Variants in PSD3 observed in about 807,000 individuals in gnomAD.
The protein encoded by PSD3 is PH and SEC7 domain-containing protein 3.
PSD3 carries 49 observed loss-of-function variants against 105.5 expected under a neutral mutation model. That is an observed-to-expected ratio of 0.46 (90% CI 0.37 to 0.59). PSD3 has a LOEUF of 0.59. Ranked by LOEUF, PSD3 falls within the 20% of genes least tolerant of loss-of-function variation. The pLI is 0.00. For missense variants in PSD3, 1,561 were observed against 1,263.8 expected, an observed-to-expected ratio of 1.24 and a Z score of -3.57; for synonymous variants, 557 against 457.8, an observed-to-expected ratio of 1.22 and a Z score of -2.77.
rs550202407 is a variant in PSD3 at position 18,970,978 on chromosome 8, C to T, written c.22-34836G>A. Among the ~76,000 whole-genome samples the T allele has an allele frequency of 3.6e-4, 42 of 115,674 alleles. No individual in the cohort carries two copies. In the South Asian group the frequency reaches 8.9e-3, roughly 24 times the overall value. 75.9% of individuals were successfully genotyped at this position (115,674 alleles called of 152,430 possible). On this transcript the variant is annotated intron_variant, in intron 1 of 15. Coordinates refer to ENST00000327040, the MANE Select transcript of PSD3 (RefSeq NM_015310.4). ...TAAGTAAAAGAGCGAGACTCTGTCT[C>T]AAGAAAAAAAAAAAAAGACAAAAAA...
Position 18,872,332 on chromosome 8 carries a change from G to C in PSD3, c.532C>G (p.Arg178Gly). ...QVEKELDTAS[R>G]KTQRVNKTLP... ...GTTTTGTTGACTCTCTGTGTTTTAC[G>C]ACTGGCAGTGTCCAGCTCTTTTTCC... is the stretch of plus-strand genomic sequence containing the variant. The change falls in exon 3 of 16, where the codon CGT becomes GGT. Residue 178 changes from arginine (R) to glycine (G), a missense_variant. Coordinates refer to ENST00000327040, the MANE Select transcript of PSD3 (RefSeq NM_015310.4). 6.2e-7 allele frequency: 1 copy of C among 1,614,124 alleles called. No homozygotes were observed. The highest frequency in any genetic ancestry group is 8.5e-7 in the Non-Finnish European group (1 of 1,180,020).
At chr8:18,830,027 G>A (rs1813552938) in intron 4 of PSD3, among the ~76,000 whole-genome samples, 1 of 152,208 alleles carries the variant, frequency 6.6e-6, no homozygotes, top group East Asian at 1.9e-4. Context: ...GAGCGCAGCG[G>A]TACAATCTCA....
At chr8:18,959,055 G>T (rs1823750930) in intron 1 of PSD3, among the ~76,000 whole-genome samples, 1 of 151,906 alleles carries the variant, frequency 6.6e-6, no homozygotes, top group African/African-American at 2.4e-5. Flanking sequence ...CAAGTATCTG[G>T]GACTACAGGC....
intron 12 of PSD3, among the ~76,000 whole-genome samples, chr8:18,581,961 G>A (rs921882426): frequency 6.6e-6 from 1 of 152,156 alleles, no homozygotes; most frequent in Admixed American, 6.5e-5. Context: ...CAGATTGTGT[G>A]TAACTCAGAG....
At chr8:18,950,826 C>G (rs968218395) in intron 1 of PSD3, among the ~76,000 whole-genome samples, 1 of 152,096 alleles carries the variant, frequency 6.6e-6, no homozygotes, top group Admixed American at 6.5e-5. Flanking sequence ...AAGAGTTTAT[C>G]GGCCTCACCC....
chr8:18,735,635 G>A (rs1585775036), intron 9 of PSD3, among the ~76,000 whole-genome samples: 1 of 152,248 alleles, frequency 6.6e-6, no homozygotes, highest in East Asian at 1.9e-4. Context: ...AACCTCAAGT[G>A]GGTAAGCCTT....
rs562805315 is a variant in PSD3 at position 18,535,826 on chromosome 8, T to G, written c.3061A>C (p.Ile1021Leu). 2 of 1,614,142 alleles carry G rather than the reference T, an allele frequency of 1.2e-6. No homozygotes were observed. Among genetic ancestry groups the G allele is most frequent in the Non-Finnish European group, 1.7e-6 (2 of 1,179,998 alleles). The change falls in exon 16 of 16, where the codon ATC becomes CTC. Residue 1021 changes from isoleucine to leucine, a missense_variant. Physicochemically the swap from Ile to Leu is conservative, Grantham distance 5. Coordinates refer to ENST00000327040, the MANE Select transcript of PSD3 (RefSeq NM_015310.4). ...ACGTTACGCTTGACTTTGGCAGTGA[T>G]TGGAGAAGTATCCGGGTTCAGCGAA... is the stretch of plus-strand genomic sequence containing the variant. ...SPSLNPDTSP[I>L]TAKVKRNVSE...
chr8:18,686,357 G>A (rs182364543), intron 9 of PSD3, among the ~76,000 whole-genome samples: 1 of 152,218 alleles, frequency 6.6e-6, no homozygotes, highest in East Asian at 1.9e-4. Context: ...ATTCTCGCAT[G>A]AAGTATACCA....
At chr8:18,985,364 G>A (rs189722878) in intron 1 of PSD3, among the ~76,000 whole-genome samples, 46 of 152,270 alleles carry the variant, frequency 3.0e-4, no homozygotes, top group Admixed American at 3.3e-4. Context: ...ACAGAGGTCT[G>A]CATATAGAAT....
In PSD3 at chr8:18,780,627, C is replaced by G. The variant is rs566039285; in HGVS notation, c.2083-15089G>C. Among the ~76,000 whole-genome samples, 256 of 152,228 alleles carry G rather than the reference C, an allele frequency of 1.7e-3. 1 individual carries two copies. Among genetic ancestry groups the G allele is most frequent in the Non-Finnish European group, 3.0e-3 (205 of 68,024 alleles). Reference sequence around the variant, plus strand: ...AGTGTGCAGTGGTGCGACCTTGGCTCACTGTAAGCTCTGCGTCTTGGGTTC... The same window carrying G: ...AGTGTGCAGTGGTGCGACCTTGGCTGACTGTAAGCTCTGCGTCTTGGGTTC... On this transcript the variant is annotated intron_variant, in intron 8 of 15. Transcript: ENST00000327040.
chr8:18,906,724 A>G (rs957113627), intron 2 of PSD3, among the ~76,000 whole-genome samples: 1 of 152,244 alleles, frequency 6.6e-6, no homozygotes, highest in Non-Finnish European at 1.5e-5. Flanking sequence ...TCAGATTTAG[A>G]AATAAAAACA....
intron 4 of PSD3, among the ~76,000 whole-genome samples, chr8:18,830,236 C>A (rs1336413679): frequency 6.6e-6 from 1 of 152,322 alleles, no homozygotes; most frequent in East Asian, 1.9e-4. Context: ...GCCACCGCAC[C>A]CAGCCAGTAA....
intron 8 of PSD3, among the ~76,000 whole-genome samples, chr8:18,788,207 T>A (rs549299123): frequency 6.6e-6 from 1 of 152,324 alleles, no homozygotes; most frequent in South Asian, 2.1e-4. Flanking sequence ...ATGTATTCTA[T>A]TCTCCAAATG....
intron 1 of PSD3, among the ~76,000 whole-genome samples, chr8:19,002,267 G>A (rs1826441624): frequency 6.6e-6 from 1 of 151,980 alleles, no homozygotes; most frequent in Non-Finnish European, 1.5e-5. Context: ...GACCTCCAAG[G>A]AAGGAAGGCG....
In PSD3 at chr8:18,595,439, T is replaced by TGAGA. The variant is rs36065717; in HGVS notation, c.2481+4921_2481+4924dup. Among the ~76,000 whole-genome samples the TGAGA allele has an allele frequency of 1.5e-3, 225 of 148,194 alleles. 3 individuals carry two copies. The highest frequency in any genetic ancestry group is 0.012 in the South Asian group (55 of 4,660). The stretch of plus-strand genomic sequence containing the variant: ...CAGCTGGGAGTGTGGTTGAATGTAT[T>TGAGA]GAGAGAGAGAGAGACAGAGAGACAG... On this transcript the variant is annotated intron_variant, in intron 12 of 15. Transcript: ENST00000327040.
chr8:18,876,479 T>TGAGTCA (rs1379654727), intron 2 of PSD3, among the ~76,000 whole-genome samples: 1 of 152,162 alleles, frequency 6.6e-6, no homozygotes, highest in African/African-American at 2.4e-5. Context: ...CCTGACCTCC[T>TGAGTCA]GGGCTCAAGC....
At chr8:18,752,501 A>T (rs1346793267) in intron 9 of PSD3, among the ~76,000 whole-genome samples, 70 of 88,620 alleles carry the variant, frequency 7.9e-4, no homozygotes, top group African/African-American at 3.5e-3. Context: ...TAATATATAT[A>T]ATATATATAA....
intron 10 of PSD3, among the ~76,000 whole-genome samples, chr8:18,644,846 T>C (rs1472303027): frequency 6.6e-6 from 1 of 152,224 alleles, no homozygotes; most frequent in African/African-American, 2.4e-5. Context: ...ACAAACTGCA[T>C]AATTTAAAAT....
chr8:18,890,773 G>T (rs974016471), intron 2 of PSD3, among the ~76,000 whole-genome samples: 1 of 151,618 alleles, frequency 6.6e-6, no homozygotes. Context: ...TCTCAGCACA[G>T]AAGTGATGTG....
Sources: gnomAD v4.1 joint callset for allele counts (sites outside exome capture counted in the v4.1 genomes callset) on GRCh38, gnomAD v4.1.1 for gene constraint, MANE v1.5 for transcripts, NCBI Gene and HGNC (gene_info 2026-07-23, HGNC 2026-07-21) for gene names.